ZNF225: variants seen among roughly 807,000 people sequenced by gnomAD.
The protein encoded by ZNF225 is zinc finger protein 225.
ZNF225 carries 6 observed loss-of-function variants against 12.0 expected under a neutral mutation model. The ratio of observed to expected loss-of-function variants is 0.50; its 90% CI spans 0.27 to 0.98. The LOEUF (loss-of-function observed/expected upper bound fraction) is 0.98. ZNF225 is among the 50% of genes least tolerant of loss of function. The pLI is 0.11. For synonymous variants in ZNF225, 271 were observed against 283.2 expected, an observed-to-expected ratio of 0.96 and a Z score of 0.43; for missense variants, 763 against 848.2, an observed-to-expected ratio of 0.90 and a Z score of 1.25.
chr19:44,112,421 G>C (rs1245574460), upstream of ZNF225: 3 of 152,192 alleles, frequency 2.0e-5, no homozygotes. Flanking sequence ...ATCTGCCTAA[G>C]TGATGGCTTC....
In ZNF225 at chr19:44,118,192, CAG is replaced by C; in HGVS notation, c.21_22del (p.Val8AspfsTer11). 2.5e-6 allele frequency: 4 copies of C among 1,611,398 alleles called. No individual in the cohort carries two copies. The highest frequency in any genetic ancestry group is 3.4e-6 in the Non-Finnish European group (4 of 1,178,770). ...TGCATATGTTCGATGCTGTAGGAGG[CAG>C]TGACCTTCAAGGACGTGGCTGTGGT... On this transcript the variant is annotated frameshift_variant, in exon 3 of 5. Transcript: ENST00000262894. LOFTEE classifies it high-confidence loss of function.
chr19:44,111,887 G>T (rs1203682921), upstream of ZNF225: 2 of 152,288 alleles, frequency 1.3e-5, no homozygotes, highest in Middle Eastern at 3.4e-3. Context: ...TTTGTCTGAG[G>T]TTTAAACCCG....
At chr19:44,120,931 C>G (rs568564039) in intron 4 of ZNF225, among the ~76,000 whole-genome samples, 8 of 151,304 alleles carry the variant, frequency 5.3e-5, no homozygotes, top group Non-Finnish European at 1.0e-4. Context: ...GAGTCTCGCT[C>G]TGTTGCCCAG....
chr19:44,119,024 G>A (rs557015781), intron 4 of ZNF225, among the ~76,000 whole-genome samples: 1 of 152,142 alleles, frequency 6.6e-6, no homozygotes, highest in Non-Finnish European at 1.5e-5. Context: ...CACCGTGTTA[G>A]CCAGGATGGT....
intron 4 of ZNF225, chr19:44,128,535 C>G (rs1313765635): frequency 6.6e-6 from 1 of 152,262 alleles, no homozygotes; most frequent in Non-Finnish European, 1.5e-5. Context: ...CTAATGTTTC[C>G]TAAGATTCAG....
chr19:44,132,648 A>G lies in ZNF225; in HGVS notation c.2034A>G (p.Lys678=), dbSNP rs1461567696. ...AACAAAGAGACCAAAGTGGAGAGAAAACATCTAAATGTGAGGACTGTGGGA... is the reference window on the plus strand; with the variant it reads ...AACAAAGAGACCAAAGTGGAGAGAAGACATCTAAATGTGAGGACTGTGGGA... The part of the protein sequence containing the change: ...KDQQRDQSGE[K]TSKCEDCGKR... Residue 678 remains lysine (K), a synonymous_variant, in exon 5 of 5, where the codon AAA becomes AAG. Coordinates refer to ENST00000262894, the MANE Select transcript of ZNF225 (RefSeq NM_013362.4). 2 of 1,613,818 alleles carry G rather than the reference A, an allele frequency of 1.2e-6. No homozygotes were observed. Among genetic ancestry groups the G allele is most frequent in the African/African-American group, 1.3e-5 (1 of 74,898 alleles).
intron 2 of ZNF225, among the ~76,000 whole-genome samples, chr19:44,117,099 A>G (rs1338678003): frequency 6.6e-6 from 1 of 152,246 alleles, no homozygotes; most frequent in African/African-American, 2.4e-5. Context: ...GATGGCAACA[A>G]TGACAATAAT....
chr19:44,112,476 T>C (rs1967851949), upstream of ZNF225, among the ~76,000 whole-genome samples: 1 of 152,246 alleles, frequency 6.6e-6, no homozygotes, highest in African/African-American at 2.4e-5. Context: ...CTAGATGCCA[T>C]TGCCATTGAA....
intron 2 of ZNF225, among the ~76,000 whole-genome samples, chr19:44,117,143 A>C (rs924047466): frequency 2.0e-5 from 3 of 152,336 alleles, no homozygotes; most frequent in Admixed American, 1.3e-4. Flanking sequence ...AGTGTTTATT[A>C]GGTATTTAGT....
At position 44,132,574 on chromosome 19, in the gene ZNF225, T is replaced by C. The variant is rs117864724; in HGVS notation, c.1960T>C (p.Cys654Arg). 96 of 1,614,150 alleles carry C rather than the reference T, an allele frequency of 5.9e-5. 1 individual carries two copies. In the East Asian group the frequency reaches 1.9e-3, roughly 33 times the overall value. Residue 654 changes from cysteine to arginine, a missense_variant, in exon 5 of 5, where the codon TGT (cysteine) becomes CGT (arginine). Cys to Arg is a radical substitution (Grantham distance 180, BLOSUM62 -3). Transcript: ENST00000262894. ...RLHSREKLLQ[C>R]EDCGKSIVHS... Reference sequence around the variant, plus strand: ...CCACAGTAGAGAAAAACTACTTCAATGTGAGGACTGTGGGAAGAGCATTGT... The same window carrying C: ...CCACAGTAGAGAAAAACTACTTCAACGTGAGGACTGTGGGAAGAGCATTGT...
rs774017246 is a variant in ZNF225 at position 44,132,625 on chromosome 19, CAA to C, written c.2013_2014del (p.Asp673ProfsTer8). The C allele has an allele frequency of 5.0e-6, 8 of 1,613,790 alleles. No homozygotes were observed. The East Asian group carries it at 1.1e-4, about 22-fold the overall frequency. On this transcript the variant is annotated frameshift_variant, in exon 5 of 5. Transcript: ENST00000262894. LOFTEE classifies it low-confidence loss of function (END_TRUNC). The part of the protein sequence containing the change: ...IVHSSCLKDQ[Q>X]RDQSGEKTSK... ...GCACAGTTCATGCCTTAAAGACCAACAAAGAGACCAAAGTGGAGAGAAAACAT... is the reference window on the plus strand; with the variant it reads ...GCACAGTTCATGCCTTAAAGACCAACAGAGACCAAAGTGGAGAGAAAACAT...
chr19:44,129,523 C>G (rs1356978603), intron 4 of ZNF225: 1 of 153,368 alleles, frequency 6.5e-6, no homozygotes, highest in East Asian at 1.9e-4. Flanking sequence ...ATCAGGGAAG[C>G]TTTCCTGAGC....
chr19:44,115,919 TG>T, intron 2 of ZNF225, 77 bp downstream of exon 2: 1 of 1,515,604 alleles, frequency 6.6e-7, no homozygotes, highest in Non-Finnish European at 9.0e-7. Context: ...TGGAGTGCAG[TG>T]GCCTGATTTT....
Position 44,132,110 on chromosome 19 carries a change from T to C in ZNF225, c.1496T>C (p.Leu499Pro), listed in dbSNP as rs1968280300. Residue 499 changes from leucine (L) to proline (P), a missense_variant, in exon 5 of 5, where the codon CTT (leucine) becomes CCT (proline). By Grantham distance (98) the Leu-to-Pro change is moderately conservative. Transcript: ENST00000262894. Reference sequence around the variant, plus strand: ...AAAAGATTTACTCAGAATTCACAACTTTATACCCATCGTAGAGTCCACAGT... The same window carrying C: ...AAAAGATTTACTCAGAATTCACAACCTTATACCCATCGTAGAGTCCACAGT... Reference protein sequence around the residue: ...CGKRFTQNSQLYTHRRVHSGE... With the variant: ...CGKRFTQNSQPYTHRRVHSGE... 1 of 1,613,990 alleles carries C rather than the reference T, an allele frequency of 6.2e-7. No homozygotes were observed. The highest frequency in any genetic ancestry group is 1.3e-5 in the African/African-American group (1 of 74,922).
chr19:44,114,143 C>A, intron 1 of ZNF225: 1 of 877,914 alleles, frequency 1.1e-6, no homozygotes, highest in African/African-American at 1.8e-5. Flanking sequence ...ACAGCCTTCT[C>A]CTTACCCAGC....
Position 44,118,573 on chromosome 19 carries a change from A to G in ZNF225, c.234A>G (p.Leu78=), listed in dbSNP as rs1298830871. 1.2e-6 allele frequency: 2 copies of G among 1,611,276 alleles called. No individual in the cohort carries two copies. The change falls in exon 4 of 5, where the codon TTA becomes TTG. Residue 78 remains leucine (L), a splice_region_variant and synonymous_variant. Transcript: ENST00000262894. The part of the protein sequence containing the change: ...METATQREGN[L]GGKIQMEMET... ...CAGCAACCCAAAGAGAAGGGAATTT[A>G]GGTAAGAAGCAAGCAACTCTGTGTC... is the stretch of plus-strand genomic sequence containing the variant.
chr19:44,118,971 C>T (rs550596026), intron 4 of ZNF225, among the ~76,000 whole-genome samples: 9 of 152,274 alleles, frequency 5.9e-5, no homozygotes, highest in South Asian at 2.1e-4. Context: ...TGCCCGCCAC[C>T]ACGCCCGGCT....
At chr19:44,123,221 G>C (rs1191416993) in intron 4 of ZNF225, among the ~76,000 whole-genome samples, 4 of 152,094 alleles carry the variant, frequency 2.6e-5, no homozygotes, top group South Asian at 2.1e-4. Flanking sequence ...GATTTTGTCA[G>C]ATGCTTTTTC....
chr19:44,120,935 T>G (rs1278514312), intron 4 of ZNF225, among the ~76,000 whole-genome samples: 1 of 151,812 alleles, frequency 6.6e-6, no homozygotes, highest in East Asian at 1.9e-4. Flanking sequence ...CTCGCTCTGT[T>G]GCCCAGGCTG....
Sources: gnomAD v4.1 joint callset for allele counts (sites outside exome capture counted in the v4.1 genomes callset) on GRCh38, gnomAD v4.1.1 for gene constraint, MANE v1.5 for transcripts, NCBI Gene and HGNC (gene_info 2026-07-23, HGNC 2026-07-21) for gene names.